Variants in CHPT1 observed in about 807,000 individuals in gnomAD.
The protein encoded by CHPT1 is choline phosphotransferase 1, also known as cholinephosphotransferase 1.
A neutral mutation model predicts 47.6 loss-of-function variants in CHPT1; 36 were observed. The observed-to-expected ratio is 0.76, with a 90% CI of 0.58 to 1.00. The LOEUF (loss-of-function observed/expected upper bound fraction) is 1.00, where lower values mean the gene tolerates loss of function less well. Ranked by LOEUF, CHPT1 falls within the 50% of genes least tolerant of loss-of-function variation. The probability of loss-of-function intolerance (pLI) is 0.00; values close to 1 mark genes in which losing one functional copy is unlikely to be tolerated. For missense variants in CHPT1, 458 were observed against 498.1 expected (o/e 0.92, Z 0.77); for synonymous variants, 194 against 186.3 (o/e 1.04, Z -0.33).
intron 3 of CHPT1, among the ~76,000 whole-genome samples, chr12:101,715,819 C>T (rs566079719): frequency 1.3e-5 from 2 of 152,192 alleles, no homozygotes; most frequent in South Asian, 2.1e-4. Context: ...GTGAGAAGAG[C>T]TCCAGCAAGG....
At position 101,716,821 on chromosome 12, in the gene CHPT1, G is replaced by A. The variant is rs1268377241; in HGVS notation, c.648+9G>A. The A allele has an allele frequency of 6.7e-7, 1 of 1,494,226 alleles. No homozygotes were observed. The highest frequency in any genetic ancestry group is 9.1e-7 in the Non-Finnish European group (1 of 1,101,072). 92.6% of individuals were successfully genotyped at this position (1,494,226 alleles called of 1,614,324 possible). ...CAATGTGGGACTATACGGTAAATCT[G>A]AATATTTAAATTTATATTTAAGTAC... On this transcript the variant is annotated intron_variant, in intron 4 of 8. Transcript: ENST00000229266.
rs369726041 is a variant in CHPT1 at position 101,708,778 on chromosome 12, A to G, written c.274-5312A>G. Among the ~76,000 whole-genome samples, 49 of 147,954 alleles carry G rather than the reference A, an allele frequency of 3.3e-4. 2 individuals are homozygous for G. The highest frequency in any genetic ancestry group is 9.7e-4 in the African/African-American group (40 of 41,092). On this transcript the variant is annotated intron_variant, in intron 1 of 8. Coordinates refer to ENST00000229266, the MANE Select transcript of CHPT1 (RefSeq NM_020244.3). ...CAGCTGGCTAATTTTTGGATTTTTA[A>G]TAGAGACAGATTTTTACCATGCTGG...
At chr12:101,723,387 G>A (rs1293000110) in intron 6 of CHPT1, 61 bp downstream of exon 6, 1 of 1,022,628 alleles carries the variant, frequency 9.8e-7, no homozygotes, top group Non-Finnish European at 1.4e-6. Context: ...CACAAAGCTG[G>A]AAATTATTTC....
rs1951769194 is a variant in CHPT1 at position 101,716,787 on chromosome 12, G to A, written c.623G>A (p.Gly208Glu). ...ATTGTCTTTGTGTTGTCTGCATTTG[G>A]AGGAGCAACAATGTGGGACTATACG... Reference protein sequence around the residue: ...LVIVFVLSAFGGATMWDYTIP... With the variant: ...LVIVFVLSAFEGATMWDYTIP... The change falls in exon 4 of 9, where the codon GGA becomes GAA. Residue 208 changes from glycine to glutamate, a missense_variant. Transcript: ENST00000229266. The A allele has an allele frequency of 2.5e-6, 4 of 1,606,174 alleles. No homozygotes were observed. The Admixed American group carries it at 6.8e-5, about 27-fold the overall frequency.
intron 1 of CHPT1, among the ~76,000 whole-genome samples, chr12:101,713,347 C>G (rs1047030120): frequency 6.6e-6 from 1 of 152,210 alleles, no homozygotes; most frequent in Non-Finnish European, 1.5e-5. Context: ...AGATACCCTT[C>G]CGTAAGACGT....
intron 1 of CHPT1, among the ~76,000 whole-genome samples, chr12:101,698,632 C>G (rs567803379): frequency 6.6e-6 from 1 of 152,332 alleles, no homozygotes. Flanking sequence ...ACCGGTAGCA[C>G]TGATCAAAGA....
chr12:101,728,359 T>C (rs563077950), intron 8 of CHPT1: 2 of 153,842 alleles, frequency 1.3e-5, no homozygotes, highest in Admixed American at 1.3e-4. Flanking sequence ...TGACATTATG[T>C]CTTTGTGGCA....
At chr12:101,723,884 A>G (rs550003918) in intron 7 of CHPT1, 37 bp downstream of exon 7, 1 of 1,421,288 alleles carries the variant, frequency 7.0e-7, no homozygotes, top group Non-Finnish European at 9.8e-7. Flanking sequence ...TTTTTTAACA[A>G]TGCTTAAGAG....
chr12:101,718,264 A>G (rs1219631796), intron 4 of CHPT1, among the ~76,000 whole-genome samples: 3 of 152,214 alleles, frequency 2.0e-5, no homozygotes, highest in Non-Finnish European at 4.4e-5. Flanking sequence ...TCTAATGTAA[A>G]CTATGAACTT....
intron 4 of CHPT1, chr12:101,719,598 A>T: frequency 1.0e-6 from 1 of 967,044 alleles, no homozygotes; most frequent in Non-Finnish European, 1.4e-6. Context: ...TATTTGTTAC[A>T]TTTATGATGC....
chr12:101,723,386 G>A, intron 6 of CHPT1, 60 bp downstream of exon 6: 3 of 1,027,190 alleles, frequency 2.9e-6, no homozygotes, highest in Non-Finnish European at 4.2e-6. Context: ...ACACAAAGCT[G>A]GAAATTATTT....
At chr12:101,698,158 C>A (rs1267801980) in intron 1 of CHPT1, 24 bp downstream of exon 1, 1 of 1,428,100 alleles carries the variant, frequency 7.0e-7, no homozygotes, top group Admixed American at 2.6e-5. Context: ...ATCGCCCGAG[C>A]CGGGCCCCAG....
rs371794917 is a variant in CHPT1, at chr12:101,721,810, C to T, written c.781-1358C>T. Among the ~76,000 whole-genome samples the T allele has an allele frequency of 3.3e-5, 5 of 152,166 alleles. No homozygotes were observed. In the East Asian group the frequency reaches 7.7e-4, roughly 24 times the overall value. On this transcript the variant is annotated intron_variant, in intron 5 of 8. Coordinates refer to ENST00000229266, the MANE Select transcript of CHPT1 (RefSeq NM_020244.3). ...ATGCGGTGGCTCACGCTTGTAATCC[C>T]AGCACTTTGGGAGGCCGAGGCGGGC...
intron 1 of CHPT1, among the ~76,000 whole-genome samples, chr12:101,703,605 T>C (rs533854911): frequency 5.9e-5 from 9 of 152,314 alleles, no homozygotes; most frequent in Non-Finnish European, 1.2e-4. Flanking sequence ...GCCTTCCTCA[T>C]TGGCTTGGCA....
chr12:101,715,740 T>A (rs1175549694), intron 3 of CHPT1, among the ~76,000 whole-genome samples: 1 of 152,138 alleles, frequency 6.6e-6, no homozygotes, highest in Non-Finnish European at 1.5e-5. Flanking sequence ...TCATAGACTA[T>A]AAGAATTCCA....
intron 4 of CHPT1, chr12:101,717,357 G>A (rs555409497): frequency 4.4e-6 from 2 of 450,578 alleles, no homozygotes; most frequent in Non-Finnish European, 8.9e-6. Flanking sequence ...TGCAAAAGAA[G>A]AACATTTCTG....
At chr12:101,702,170 T>A (rs1367472256) in intron 1 of CHPT1, among the ~76,000 whole-genome samples, 1 of 152,246 alleles carries the variant, frequency 6.6e-6, no homozygotes, top group Non-Finnish European at 1.5e-5. Context: ...AATCTAGTTC[T>A]TCTAACTCCA....
rs1357972983 is a variant in CHPT1, at chr12:101,697,880, G to GCCGGGT, written c.23_28dup (p.Gly8_Ser9dup). On this transcript the variant is annotated inframe_insertion, in exon 1 of 9. Coordinates refer to ENST00000229266, the MANE Select transcript of CHPT1 (RefSeq NM_020244.3). The stretch of plus-strand genomic sequence containing the variant: ...GGCGGCCATGGCGGCAGGCGCCGGG[G>GCCGGGT]CCGGGTCCGCGCCGCGCTGGCTGAG... The GCCGGGT allele has an allele frequency of 2.7e-5, 33 of 1,209,676 alleles. No individual in the cohort carries two copies. The South Asian group carries it at 6.0e-4, about 22-fold the overall frequency. The allele number at this position is 1,209,676 out of a possible 1,614,324, so 74.9% of individuals were successfully genotyped here. A position where few individuals can be genotyped will look rare whatever the true frequency, so the allele number is the denominator to read the frequency against.
In CHPT1 at chr12:101,720,147, A is replaced by C; in HGVS notation, c.673A>C (p.Lys225Gln). The part of the protein sequence containing the change: ...YTIPILEIKL[K>Q]ILPVLGFLGG... ...GATTCCTATTCTAGAAATAAAATTG[A>C]AGATCCTTCCAGTTCTTGGATTTCT... is the stretch of plus-strand genomic sequence containing the variant. The change falls in exon 5 of 9, where the codon AAG (lysine) becomes CAG (glutamine). Residue 225 changes from lysine to glutamine, a missense_variant. Transcript: ENST00000229266. 6.3e-7 allele frequency: 1 copy of C among 1,590,618 alleles called. No homozygotes were observed. Among genetic ancestry groups the C allele is most frequent in the Non-Finnish European group, 8.6e-7 (1 of 1,166,838 alleles).
Sources: gnomAD v4.1 joint callset for allele counts (sites outside exome capture counted in the v4.1 genomes callset) on GRCh38, gnomAD v4.1.1 for gene constraint, MANE v1.5 for transcripts, NCBI Gene and HGNC (gene_info 2026-07-23, HGNC 2026-07-21) for gene names.